Variants in ASTN2 observed in about 807,000 individuals in gnomAD.
The protein encoded by ASTN2 is astrotactin-2.
In ASTN2, 54 loss-of-function variants were observed where a neutral mutation model predicts 139.8. That is an observed-to-expected ratio of 0.39 (90% CI 0.31 to 0.48). The LOEUF is 0.48. ASTN2 is among the 20% of genes least tolerant of loss of function. The pLI, the probability that ASTN2 is intolerant of heterozygous loss-of-function variation, is 0.95. For synonymous variants in ASTN2, 756 were observed against 719.5 expected (o/e 1.05, Z -0.81); for missense variants, 1,565 against 1,725.1 (o/e 0.91, Z 1.64).
chr9:116,466,533 T>A (rs938021002), intron 20 of ASTN2, among the ~76,000 whole-genome samples: 1 of 152,196 alleles, frequency 6.6e-6, no homozygotes, highest in Non-Finnish European at 1.5e-5. Context: ...ATAAATTTGG[T>A]TGCTGCCTCC....
chr9:117,319,439 C>CT (rs1564144195), intron 1 of ASTN2, among the ~76,000 whole-genome samples: 1 of 151,924 alleles, frequency 6.6e-6, no homozygotes, highest in African/African-American at 2.4e-5. Flanking sequence ...TATTATTTTT[C>CT]TTTTTTTGAG....
chr9:116,633,819 A>T (rs1374448380), intron 17 of ASTN2, among the ~76,000 whole-genome samples: 1 of 152,192 alleles, frequency 6.6e-6, no homozygotes, highest in Non-Finnish European at 1.5e-5. Context: ...TGCTTAGTCT[A>T]GCTAGACTCA....
At chr9:117,236,656 G>C (rs754014002) in intron 2 of ASTN2, among the ~76,000 whole-genome samples, 1 of 152,150 alleles carries the variant, frequency 6.6e-6, no homozygotes, top group Non-Finnish European at 1.5e-5. Context: ...TGGATAGATG[G>C]ATGGACAGAA....
intron 11 of ASTN2, among the ~76,000 whole-genome samples, chr9:116,844,187 C>T (rs751852774): frequency 2.0e-5 from 3 of 152,148 alleles, no homozygotes; most frequent in Non-Finnish European, 2.9e-5. Flanking sequence ...AGTGCTGTCA[C>T]GAATGAAAAA....
At chr9:117,331,066 G>T (rs998293855) in intron 1 of ASTN2, among the ~76,000 whole-genome samples, 3 of 152,156 alleles carry the variant, frequency 2.0e-5, no homozygotes, top group African/African-American at 7.2e-5. Flanking sequence ...TAACCCACTT[G>T]GGTTTTCCGT....
At chr9:116,742,162 G>C (rs1829111871) in intron 13 of ASTN2, among the ~76,000 whole-genome samples, 1 of 152,224 alleles carries the variant, frequency 6.6e-6, no homozygotes, top group African/African-American at 2.4e-5. Flanking sequence ...TCCTATTTCA[G>C]CTTTGCCTCT....
intron 5 of ASTN2, among the ~76,000 whole-genome samples, chr9:117,066,238 A>C (rs1427354317): frequency 1.1e-4 from 15 of 131,670 alleles, no homozygotes; most frequent in Non-Finnish European, 1.9e-4. Context: ...CTCATTGTTC[A>C]ATTCCCACCT....
At chr9:117,228,275 T>C (rs1832778363) in intron 2 of ASTN2, among the ~76,000 whole-genome samples, 1 of 152,074 alleles carries the variant, frequency 6.6e-6, no homozygotes, top group African/African-American at 2.4e-5. Flanking sequence ...CAGAGTAACT[T>C]AGGCGCAAAA....
intron 5 of ASTN2, among the ~76,000 whole-genome samples, chr9:117,043,550 C>T (rs1838641932): frequency 6.6e-6 from 1 of 152,156 alleles, no homozygotes; most frequent in African/African-American, 2.4e-5. Context: ...TCTCCCTGGG[C>T]CCTGCTGGAC....
intron 13 of ASTN2, among the ~76,000 whole-genome samples, chr9:116,776,076 C>A (rs754591445): frequency 6.6e-6 from 1 of 152,148 alleles, no homozygotes; most frequent in Non-Finnish European, 1.5e-5. Context: ...AATGGACAAG[C>A]ACTAATCCTT....
At chr9:117,216,607 T>C (rs940406480) in intron 2 of ASTN2, among the ~76,000 whole-genome samples, 1 of 152,248 alleles carries the variant, frequency 6.6e-6, no homozygotes, top group Non-Finnish European at 1.5e-5. Flanking sequence ...ATTATGTATA[T>C]ATCACCTTAA....
chr9:116,603,689 T>G (rs1855030986), intron 19 of ASTN2, among the ~76,000 whole-genome samples: 1 of 152,230 alleles, frequency 6.6e-6, no homozygotes, highest in African/African-American at 2.4e-5. Context: ...ATAGATTTAG[T>G]CTGGGCAAAC....
chr9:116,805,595 G>T (rs1831008901), intron 13 of ASTN2, 37 bp downstream of exon 13: 1 of 1,593,482 alleles, frequency 6.3e-7, no homozygotes, highest in South Asian at 1.1e-5. Context: ...GTTTGTCAGT[G>T]ACTCAGACAA....
At chr9:117,266,733 G>A (rs541270234) in intron 2 of ASTN2, among the ~76,000 whole-genome samples, 1 of 152,132 alleles carries the variant, frequency 6.6e-6, no homozygotes, top group East Asian at 1.9e-4. Flanking sequence ...TTCTCCACTA[G>A]GGTAATAAAT....
chr9:117,259,185 T>G (rs995309851), intron 2 of ASTN2, among the ~76,000 whole-genome samples: 7 of 152,148 alleles, frequency 4.6e-5, no homozygotes, highest in Non-Finnish European at 8.8e-5. Flanking sequence ...GCTTCACCTC[T>G]CTGTAGCTCA....
At position 116,537,950 on chromosome 9, in the gene ASTN2, C is replaced by A. The variant is rs565879483; in HGVS notation, c.3356-50450G>T. On this transcript the variant is annotated intron_variant, in intron 19 of 22. Transcript: ENST00000313400. Reference sequence around the variant, plus strand: ...AACCTTCCAGGATACTCCAGTTTTACAGAGAATGGGATGGAGGCTCAGAGA... The same window carrying A: ...AACCTTCCAGGATACTCCAGTTTTAAAGAGAATGGGATGGAGGCTCAGAGA... Among the ~76,000 whole-genome samples, 7 of 152,322 alleles carry A rather than the reference C, an allele frequency of 4.6e-5. No homozygotes were observed. In the South Asian group the frequency reaches 1.4e-3, roughly 32 times the overall value.
At chr9:117,248,330 G>A (rs536040891) in intron 2 of ASTN2, among the ~76,000 whole-genome samples, 4 of 152,332 alleles carry the variant, frequency 2.6e-5, no homozygotes, top group African/African-American at 9.6e-5. Context: ...GTCAACAGTA[G>A]CTACTTGCTT....
chr9:117,231,935 A>G (rs1324959149), intron 2 of ASTN2, among the ~76,000 whole-genome samples: 2 of 152,110 alleles, frequency 1.3e-5, no homozygotes, highest in East Asian at 3.9e-4. Context: ...CCACTAAGTG[A>G]GCACACCTTC....
chr9:117,362,249 C>T (rs538100917), intron 1 of ASTN2, among the ~76,000 whole-genome samples: 31 of 152,304 alleles, frequency 2.0e-4, no homozygotes, highest in Non-Finnish European at 2.6e-4. Context: ...GCTGGGATTA[C>T]GAGCGTGAGC....
Sources: allele counts gnomAD v4.1 joint callset (sites outside exome capture counted in the v4.1 genomes callset), GRCh38; gene constraint gnomAD v4.1.1; transcripts MANE v1.5; gene names NCBI Gene and HGNC (gene_info 2026-07-23, HGNC 2026-07-21).